Variants in ZPLD1 observed in about 807,000 individuals in gnomAD.
The protein encoded by ZPLD1 is zona pellucida-like domain-containing protein 1.
ZPLD1 carries 34 observed loss-of-function variants against 47.2 expected under a neutral mutation model. The observed-to-expected ratio is 0.72, with a 90% CI of 0.55 to 0.96. ZPLD1 has a LOEUF of 0.96. Ranked by LOEUF, ZPLD1 falls within the 40% of genes least tolerant of loss-of-function variation. The pLI is 0.00. For missense variants in ZPLD1, 512 were observed against 505.8 expected, an observed-to-expected ratio of 1.01 and a Z score of -0.12; for synonymous variants, 176 against 186.2, an observed-to-expected ratio of 0.95 and a Z score of 0.45.
Position 102,429,217 on chromosome 3 carries a change from C to G in ZPLD1, c.-8-9263C>G, listed in dbSNP as rs72942850. Reference sequence around the variant, plus strand: ...TCATGTAATCTAAGTGTTTAACATCCCTTAGATGCAAATGACACATTACCC... The same window carrying G: ...TCATGTAATCTAAGTGTTTAACATCGCTTAGATGCAAATGACACATTACCC... On this transcript the variant is annotated intron_variant, in intron 8 of 17. Transcript: ENST00000491959. Among the ~76,000 whole-genome samples, 357 of 152,274 alleles carry G rather than the reference C, an allele frequency of 2.3e-3. 2 individuals carry two copies. The Middle Eastern group carries it at 0.024, about 10-fold the overall frequency.
Position 102,456,351 on chromosome 3 carries a change from G to A in ZPLD1, c.486G>A (p.Leu162=). 1 of 1,611,824 alleles carries A rather than the reference G, an allele frequency of 6.2e-7. No homozygotes were observed. The highest frequency in any genetic ancestry group is 8.5e-7 in the Non-Finnish European group (1 of 1,179,124). Residue 162 remains leucine, a synonymous_variant, in exon 5 of 12, where the codon CTG becomes CTA. Transcript: ENST00000466937. ...GTTGTAGTTATCCATTGGAATACCT[G>A]GTTAATAATACCCAGCTTGCTTCGT... The part of the protein sequence containing the change: ...KFSCSYPLEY[L]VNNTQLASSS...
Position 102,462,289 on chromosome 3 carries a change from C to T in ZPLD1, c.591C>T (p.Thr197=), listed in dbSNP as rs746048357. ...TLNLLLYNDS[T]YNQQLIIPSI... ...TATTGTTTCATCATTAGGATTCAAC[C>T]TACAACCAGCAGTTAATTATCCCCA... Residue 197 remains threonine (T), a synonymous_variant, in exon 7 of 12, where the codon ACC becomes ACT. Coordinates refer to ENST00000466937, the MANE Select transcript of ZPLD1 (RefSeq NM_001329788.2). 17 of 1,606,790 alleles carry T rather than the reference C, an allele frequency of 1.1e-5. No homozygotes were observed. Among genetic ancestry groups the T allele is most frequent in the Non-Finnish European group, 1.4e-5 (17 of 1,175,650 alleles).
chr3:102,463,390 A>G (rs1483891161), intron 7 of ZPLD1, among the ~76,000 whole-genome samples: 1 of 152,244 alleles, frequency 6.6e-6, no homozygotes, highest in Non-Finnish European at 1.5e-5. Flanking sequence ...CTAGAAACAA[A>G]AAGCTATTGT....
At chr3:102,397,462 C>A (rs781333070) in intron 7 of ZPLD1, among the ~76,000 whole-genome samples, 2 of 152,090 alleles carry the variant, frequency 1.3e-5, no homozygotes, top group East Asian at 3.9e-4. Flanking sequence ...CTTCAATCAA[C>A]AAGTCAACCA....
chr3:102,426,444 G>A (rs1419255312), intron 8 of ZPLD1, among the ~76,000 whole-genome samples: 3 of 151,772 alleles, frequency 2.0e-5, no homozygotes, highest in Non-Finnish European at 4.4e-5. Context: ...CTTGAACCCA[G>A]GAGGCAGAGG....
chr3:102,433,676 G>A (rs912226468), upstream of ZPLD1, among the ~76,000 whole-genome samples: 8 of 152,046 alleles, frequency 5.3e-5, no homozygotes, highest in Non-Finnish European at 1.2e-4. Context: ...TAAGGCACCC[G>A]CCACCACGCC....
rs964317352 is a variant in ZPLD1, at chr3:102,457,761, T to G, written c.510-20T>G. On this transcript the variant is annotated intron_variant, in intron 5 of 11. Transcript: ENST00000466937. ...CTCTAAAATCTCATCAGTGCTTTCC[T>G]TTTTCTAAATGTGTTTTAGGTCCTC... 1.9e-6 allele frequency: 3 copies of G among 1,612,392 alleles called. No homozygotes were observed. The East Asian group carries it at 6.7e-5, about 36-fold the overall frequency.
At chr3:102,459,794 T>A (rs1485776116) in intron 6 of ZPLD1, among the ~76,000 whole-genome samples, 1 of 152,118 alleles carries the variant, frequency 6.6e-6, no homozygotes, top group Non-Finnish European at 1.5e-5. Flanking sequence ...TATTTACATC[T>A]TGTGTTAGTG....
intron 10 of ZPLD1, among the ~76,000 whole-genome samples, chr3:102,474,087 A>G (rs1363985935): frequency 2.0e-5 from 3 of 152,182 alleles, no homozygotes; most frequent in East Asian, 1.9e-4. Flanking sequence ...TCCATTCTGG[A>G]TATTTTTTAC....
intron 7 of ZPLD1, among the ~76,000 whole-genome samples, chr3:102,412,063 T>C (rs1202006799): frequency 6.6e-6 from 1 of 151,752 alleles, no homozygotes; most frequent in Non-Finnish European, 1.5e-5. Context: ...GCTTCTATGT[T>C]GCAGAATTGC....
At chr3:102,393,240 C>T (rs1706518829) in intron 7 of ZPLD1, among the ~76,000 whole-genome samples, 1 of 152,022 alleles carries the variant, frequency 6.6e-6, no homozygotes, top group South Asian at 2.1e-4. Flanking sequence ...TTTAAGACAC[C>T]ACGTCAAAGC....
At chr3:102,399,942 C>T (rs966145494) in intron 7 of ZPLD1, among the ~76,000 whole-genome samples, 1 of 151,884 alleles carries the variant, frequency 6.6e-6, no homozygotes, top group Non-Finnish European at 1.5e-5. Flanking sequence ...CCTCAGTATC[C>T]TGAGTAGCTG....
intron 7 of ZPLD1, 70 bp from the exon 8 acceptor site, chr3:102,464,101 C>A (rs998124629): frequency 5.8e-6 from 6 of 1,027,242 alleles, no homozygotes; most frequent in Non-Finnish European, 9.1e-6. Context: ...ATATTTACTT[C>A]CCTTGTATTA....
chr3:102,474,986 T>G lies in ZPLD1; in HGVS notation c.1043-2026T>G, dbSNP rs529435692. Among the ~76,000 whole-genome samples, 10 of 152,172 alleles carry G rather than the reference T, an allele frequency of 6.6e-5. No individual in the cohort carries two copies. The East Asian group carries it at 1.2e-3, about 18-fold the overall frequency. Reference sequence around the variant, plus strand: ...CAAGGCTATACAGTGCTTTGATTTTTTTTGTTTGTTTGTTTTCTTTGCAAT... The same window carrying G: ...CAAGGCTATACAGTGCTTTGATTTTGTTTGTTTGTTTGTTTTCTTTGCAAT... On this transcript the variant is annotated intron_variant, in intron 10 of 11. Coordinates refer to ENST00000466937, the MANE Select transcript of ZPLD1 (RefSeq NM_001329788.2).
At chr3:102,406,855 G>T (rs1011739298) in intron 7 of ZPLD1, among the ~76,000 whole-genome samples, 1 of 151,780 alleles carries the variant, frequency 6.6e-6, no homozygotes, top group African/African-American at 2.4e-5. Flanking sequence ...AATTATTTAT[G>T]GTGTCAACAT....
At position 102,466,196 on chromosome 3, in the gene ZPLD1, C is replaced by T. The variant is rs534782374; in HGVS notation, c.761+1945C>T. On this transcript the variant is annotated intron_variant, in intron 8 of 11. Coordinates refer to ENST00000466937, the MANE Select transcript of ZPLD1 (RefSeq NM_001329788.2). ...GCTGATGGTAGAACCCTGTGAATAT[C>T]TTTTAAGTTCAGTCAGCTGCACAGT... Among the ~76,000 whole-genome samples the T allele has an allele frequency of 5.3e-5, 8 of 152,226 alleles. No homozygotes were observed. In the South Asian group the frequency reaches 1.7e-3, roughly 32 times the overall value.
rs1485008212 is a variant in ZPLD1, at chr3:102,436,945, AGTG to A, written c.-32_-30del. 11 of 985,488 alleles carry A rather than the reference AGTG, an allele frequency of 1.1e-5. No individual in the cohort carries two copies. The African/African-American group carries it at 1.6e-4, about 14-fold the overall frequency. 61.0% of individuals were successfully genotyped at this position (985,488 alleles called of 1,614,324 possible). On this transcript the variant is annotated 5_prime_UTR_variant, in exon 2 of 12. Transcript: ENST00000466937. ...TTCTTGGGACCCATCATGAGAAGGA[AGTG>A]GTGGAGCATGGAGCATGGAATAAAT...
intron 7 of ZPLD1, among the ~76,000 whole-genome samples, chr3:102,463,181 T>C (rs1181435526): frequency 6.6e-6 from 1 of 152,184 alleles, no homozygotes; most frequent in African/African-American, 2.4e-5. Flanking sequence ...GACTAATGTA[T>C]AAATGTGAGC....
chr3:102,396,180 C>A (rs1271917974), intron 7 of ZPLD1, among the ~76,000 whole-genome samples: 1 of 152,126 alleles, frequency 6.6e-6, no homozygotes, highest in Non-Finnish European at 1.5e-5. Context: ...ATGCATGAAT[C>A]AGCCGTGCTG....
Sources: gnomAD v4.1 joint callset for allele counts (sites outside exome capture counted in the v4.1 genomes callset) on GRCh38, gnomAD v4.1.1 for gene constraint, MANE v1.5 for transcripts, NCBI Gene and HGNC (gene_info 2026-07-23, HGNC 2026-07-21) for gene names.